The following HIVEP2 variants were observed in gnomAD, a reference collection of about 807,000 sequenced individuals.
HIVEP2 encodes the protein HIVEP zinc finger 2, also known as transcription factor HIVEP2.
In HIVEP2, 14 loss-of-function variants were observed where a neutral mutation model predicts 180.7. That is an observed-to-expected ratio of 0.08 (90% confidence interval 0.05 to 0.12). HIVEP2 has a LOEUF of 0.12. HIVEP2 is among the 10% of genes least tolerant of loss of function. HIVEP2 has a pLI of 1.00. For missense variants in HIVEP2, 2,579 were observed against 3,008.5 expected (o/e 0.86, Z 3.34); for synonymous variants, 1,184 against 1,136.4 (o/e 1.04, Z -0.84).
intron 1 of HIVEP2, among the ~76,000 whole-genome samples, chr6:142,838,485 A>G (rs2114884885): frequency 6.6e-6 from 1 of 152,180 alleles, no homozygotes; most frequent in South Asian, 2.1e-4. Flanking sequence ...CAACACACAC[A>G]TTTTTCGCAT....
chr6:142,943,119 T>C lies in HIVEP2; in HGVS notation c.-641+1980A>G, dbSNP rs1778219236. ...TGACTCCTTAGGGTTCCACAGGGAA[T>C]TTTCTCTTAATAATGAAAATGATAC... On this transcript the variant is annotated intron_variant, in intron 1 of 9. Transcript: ENST00000367603. This position sits in a 1 kb window ranked among gnomAD's most constrained non-coding sequence, Gnocchi z 4.5. Among the ~76,000 whole-genome samples the C allele has an allele frequency of 6.6e-6, 1 of 152,160 alleles. No homozygotes were observed. Among genetic ancestry groups the C allele is most frequent in the Non-Finnish European group, 1.5e-5 (1 of 68,022 alleles).
intron 1 of HIVEP2, among the ~76,000 whole-genome samples, chr6:142,940,146 A>T (rs1484268593): frequency 6.6e-6 from 1 of 152,070 alleles, no homozygotes. Context: ...GGCTCCAAAG[A>T]TTAATTGGTT....
rs71546219 is a variant in HIVEP2 at position 142,793,673 on chromosome 6, T to TTCTCTCTC, written c.-527-10066_-527-10059dup. 4.0e-4 allele frequency among the ~76,000 whole-genome samples: 43 copies of TTCTCTCTC among 107,468 alleles called. 1 individual carries two copies. The highest frequency in any genetic ancestry group is 1.5e-3 in the South Asian group (5 of 3,338). 70.5% of individuals were successfully genotyped at this position (107,468 alleles called of 152,430 possible). A position where few individuals can be genotyped will look rare whatever the true frequency, so the allele number is the denominator to read the frequency against. ...CTTTCTTTCTTTTTTCTTTCTTTCT[T>TTCTCTCTC]TCTCTCTCTCTCTCTCTCTCTCTCT... On this transcript the variant is annotated intron_variant, in intron 2 of 9. Transcript: ENST00000367603.
intron 3 of HIVEP2, among the ~76,000 whole-genome samples, chr6:142,782,541 ATTATAAAGGCTTCTT>A (rs1221726081): frequency 6.6e-6 from 1 of 152,226 alleles, no homozygotes; most frequent in Non-Finnish European, 1.5e-5. Context: ...AGCCAAATTC[ATTATAAAGGCTTCTT>A]TTAGTAAAAA....
At chr6:142,906,209 G>A (rs1249096539) in intron 1 of HIVEP2, among the ~76,000 whole-genome samples, 1 of 152,038 alleles carries the variant, frequency 6.6e-6, no homozygotes, top group Non-Finnish European at 1.5e-5. Flanking sequence ...AACTTTGAAG[G>A]CATTCATGAA....
At chr6:142,913,479 T>C (rs537374540) in intron 1 of HIVEP2, among the ~76,000 whole-genome samples, 6 of 152,372 alleles carry the variant, frequency 3.9e-5, no homozygotes, top group African/African-American at 1.2e-4. Context: ...TGCTCACTGC[T>C]TTCTTTTGCC....
intron 1 of HIVEP2, among the ~76,000 whole-genome samples, chr6:142,873,856 A>C (rs181798876): frequency 1.3e-5 from 2 of 152,310 alleles, no homozygotes; most frequent in East Asian, 3.9e-4. Context: ...TTTTCAAATT[A>C]TCTAAGGAAT....
chr6:142,894,994 A>G (rs1400992744), intron 1 of HIVEP2, among the ~76,000 whole-genome samples: 2 of 152,216 alleles, frequency 1.3e-5, no homozygotes, highest in African/African-American at 4.8e-5. Context: ...TTCAGGAGAA[A>G]AATTAAGTAA....
chr6:142,831,677 A>G (rs1309828893), intron 2 of HIVEP2, among the ~76,000 whole-genome samples: 1 of 152,168 alleles, frequency 6.6e-6, no homozygotes, highest in Non-Finnish European at 1.5e-5. Context: ...CCTCCTGGTC[A>G]GGGACTGTAG....
chr6:142,898,546 C>G (rs1387897265), intron 1 of HIVEP2, among the ~76,000 whole-genome samples: 1 of 152,122 alleles, frequency 6.6e-6, no homozygotes, highest in Admixed American at 6.5e-5. Flanking sequence ...CCTGTCATCC[C>G]AGCTACTCAG....
chr6:142,782,351 T>A (rs565247248), intron 3 of HIVEP2, among the ~76,000 whole-genome samples: 1 of 152,188 alleles, frequency 6.6e-6, no homozygotes, highest in South Asian at 2.1e-4. Flanking sequence ...AGTTGTAACA[T>A]TGATCCCACG....
chr6:142,815,785 A>G (rs1776818316), intron 2 of HIVEP2, among the ~76,000 whole-genome samples: 1 of 152,224 alleles, frequency 6.6e-6, no homozygotes, highest in Non-Finnish European at 1.5e-5. Context: ...TTCTTGAATC[A>G]CAAATTGCTA....
intron 1 of HIVEP2, among the ~76,000 whole-genome samples, chr6:142,905,070 A>G (rs2128426957): frequency 6.6e-6 from 1 of 152,306 alleles, no homozygotes; most frequent in East Asian, 1.9e-4. Context: ...TTTGGATATT[A>G]CAATTTATCT....
At chr6:142,802,979 T>G (rs1319853908) in intron 2 of HIVEP2, among the ~76,000 whole-genome samples, 1 of 152,110 alleles carries the variant, frequency 6.6e-6, no homozygotes, top group Non-Finnish European at 1.5e-5. Context: ...ACCAAATGTA[T>G]GAATTAAAAA....
intron 3 of HIVEP2, among the ~76,000 whole-genome samples, chr6:142,779,807 C>A (rs1251296612): frequency 6.6e-6 from 1 of 151,962 alleles, no homozygotes; most frequent in African/African-American, 2.4e-5. Flanking sequence ...AATAATAAAA[C>A]CATTCTTATA....
rs546816535 is a variant in HIVEP2, at chr6:142,849,310, G to T, written c.-640-12263C>A. On this transcript the variant is annotated intron_variant, in intron 1 of 9. Coordinates refer to ENST00000367603, the MANE Select transcript of HIVEP2 (RefSeq NM_006734.4). ...TTCAGTAATCAGTAGACATTTGTGA[G>T]GCGGAAAAGAGGAAAACCAAGCTGA... 5.3e-5 allele frequency among the ~76,000 whole-genome samples: 8 copies of T among 152,224 alleles called. No individual in the cohort carries two copies. The South Asian group carries it at 1.7e-3, about 32-fold the overall frequency.
intron 1 of HIVEP2, among the ~76,000 whole-genome samples, chr6:142,887,114 A>G (rs1390462000): frequency 6.6e-6 from 1 of 152,166 alleles, no homozygotes; most frequent in East Asian, 1.9e-4. Flanking sequence ...CCACTCATAA[A>G]TATTGTAAAG....
At chr6:142,900,158 A>G (rs1777097474) in intron 1 of HIVEP2, among the ~76,000 whole-genome samples, 2 of 152,170 alleles carry the variant, frequency 1.3e-5, no homozygotes, top group Non-Finnish European at 2.9e-5. Flanking sequence ...GCAAAAATAA[A>G]CGTTTTTCAG....
chr6:142,843,285 A>G (rs1775417142), intron 1 of HIVEP2, among the ~76,000 whole-genome samples: 1 of 152,232 alleles, frequency 6.6e-6, no homozygotes, highest in African/African-American at 2.4e-5. Context: ...CAATCAACCA[A>G]TTAAGAACAC....
Sources: allele counts gnomAD v4.1 joint callset (sites outside exome capture counted in the v4.1 genomes callset), GRCh38; gene constraint gnomAD v4.1.1; non-coding constraint Gnocchi (gnomAD v3.1); transcripts MANE v1.5; gene names NCBI Gene and HGNC (gene_info 2026-07-23, HGNC 2026-07-21).